GLYATL2: variants seen among roughly 807,000 people sequenced by gnomAD.
The protein encoded by GLYATL2 is glycine-N-acyltransferase like 2.
A neutral mutation model predicts 21.4 loss-of-function variants in GLYATL2; 25 were observed. That is an observed-to-expected ratio of 1.17 (90% CI 0.85 to 1.63). GLYATL2 has a LOEUF of 1.63. Ranked by LOEUF, GLYATL2 falls within the 40% of genes most tolerant of loss-of-function variation. The pLI is 0.00. For missense variants in GLYATL2, 361 were observed against 343.3 expected (o/e 1.05, Z -0.41); for synonymous variants, 114 against 118.2 (o/e 0.96, Z 0.23).
intron 5 of GLYATL2, among the ~76,000 whole-genome samples, chr11:58,836,223 A>C (rs1441855573): frequency 6.6e-6 from 1 of 151,490 alleles, no homozygotes; most frequent in East Asian, 1.9e-4. Flanking sequence ...TGTTCTATCC[A>C]CCTTATTTTT....
chr11:58,888,064 A>T (rs1854474312), intron 1 of GLYATL2, among the ~76,000 whole-genome samples: 1 of 152,072 alleles, frequency 6.6e-6, no homozygotes, highest in African/African-American at 2.4e-5. Context: ...TTTAATTTGC[A>T]TTTCCCTATT....
intron 1 of GLYATL2, chr11:58,885,531 C>T: frequency 2.1e-6 from 1 of 470,700 alleles, no homozygotes; most frequent in Non-Finnish European, 4.3e-6. Flanking sequence ...ATTATCCAAC[C>T]ACCAAAACAG....
intron 1 of GLYATL2, among the ~76,000 whole-genome samples, chr11:58,896,113 C>G (rs941514214): frequency 1.3e-5 from 2 of 152,104 alleles, no homozygotes; most frequent in Non-Finnish European, 2.9e-5. Context: ...CCGCGGCCTC[C>G]GAAAGTGCGA....
chr11:58,869,720 T>G (rs1854084001), intron 1 of GLYATL2, among the ~76,000 whole-genome samples: 1 of 152,254 alleles, frequency 6.6e-6, no homozygotes, highest in African/African-American at 2.4e-5. Flanking sequence ...ATTTTTCATG[T>G]TCATGTTACT....
chr11:58,848,711 A>T (rs1853687055), upstream of GLYATL2, among the ~76,000 whole-genome samples: 1 of 152,212 alleles, frequency 6.6e-6, no homozygotes, highest in Non-Finnish European at 1.5e-5. Context: ...GGTTATAGAA[A>T]ATAGCCTTGA....
chr11:58,842,689 G>T (rs1853575555), intron 1 of GLYATL2, among the ~76,000 whole-genome samples: 1 of 152,106 alleles, frequency 6.6e-6, no homozygotes, highest in African/African-American at 2.4e-5. Context: ...AAAAATTCAT[G>T]AAGTCTATGA....
At chr11:58,837,490 A>G in intron 3 of GLYATL2, 93 bp from the exon 4 acceptor site, 1 of 1,244,346 alleles carries the variant, frequency 8.0e-7, no homozygotes. Context: ...CAATTGTTTG[A>G]AATATTCTGT....
intron 1 of GLYATL2, among the ~76,000 whole-genome samples, chr11:58,842,296 A>T (rs895842913): frequency 6.6e-6 from 1 of 152,222 alleles, no homozygotes; most frequent in Non-Finnish European, 1.5e-5. Context: ...ATGCAGGTGT[A>T]TGTATGTACG....
At chr11:58,906,755 A>G (rs1854897808), upstream of GLYATL2, among the ~76,000 whole-genome samples, 1 of 152,210 alleles carries the variant, frequency 6.6e-6, no homozygotes, top group South Asian at 2.1e-4. Flanking sequence ...TTGTTTCTGT[A>G]AGCAAGCACA....
At chr11:58,909,048 C>T (rs1322915912), upstream of GLYATL2, among the ~76,000 whole-genome samples, 1 of 152,142 alleles carries the variant, frequency 6.6e-6, no homozygotes, top group Non-Finnish European at 1.5e-5. Flanking sequence ...TTGACCCACA[C>T]TATTTTGTTC....
At position 58,864,966 on chromosome 11, in the gene GLYATL2, A is replaced by G. The variant is rs888925992; in HGVS notation, n.61-26598T>C. On this transcript the variant is annotated intron_variant and non_coding_transcript_variant, in intron 1 of 4. Transcript: ENST00000533636. ...AAGTGATCTTATCAAACACACACAT[A>G]TATACACACAATAATAACAATAAAT... Among the ~76,000 whole-genome samples the G allele has an allele frequency of 9.4e-5, 14 of 149,026 alleles. 2 individuals carry two copies. Among genetic ancestry groups the G allele is most frequent in the South Asian group, 4.3e-4 (2 of 4,674 alleles).
chr11:58,909,625 A>G, the GLYATL2 span, among the ~76,000 whole-genome samples: 1 of 152,214 alleles, frequency 6.6e-6, no homozygotes, highest in Non-Finnish European at 1.5e-5. Context: ...AAAGTCATGT[A>G]CACGTGAAAA....
chr11:58,842,381 T>C (rs1230824519), intron 1 of GLYATL2, among the ~76,000 whole-genome samples: 2 of 152,102 alleles, frequency 1.3e-5, no homozygotes, highest in African/African-American at 4.8e-5. Flanking sequence ...AAAACATCAA[T>C]TCCTGGCTGG....
chr11:58,857,388 C>A (rs1472077162), intron 1 of GLYATL2, among the ~76,000 whole-genome samples: 1 of 152,234 alleles, frequency 6.6e-6, no homozygotes, highest in East Asian at 1.9e-4. Flanking sequence ...CTGTACACCA[C>A]AGAGAGCTTC....
At chr11:58,907,248 G>T (rs1184797665), upstream of GLYATL2, 1 of 456,116 alleles carries the variant, frequency 2.2e-6, no homozygotes, top group East Asian at 6.9e-5. Flanking sequence ...CAGGTCACCC[G>T]CCAGGTTTGT....
intron 1 of GLYATL2, among the ~76,000 whole-genome samples, chr11:58,867,085 A>G (rs1037735352): frequency 6.7e-6 from 1 of 149,024 alleles, no homozygotes; most frequent in Non-Finnish European, 1.5e-5. Flanking sequence ...ACACTCAGCC[A>G]TGCGGTTCCC....
chr11:58,834,722 C>T lies in GLYATL2; in HGVS notation c.592G>A (p.Asp198Asn). ...SLKYIERCLQ[D>N]FLGFGVLGPE... ...CCCAGCACACCAAATCCTAGAAAAT[C>T]CTGGAGGCAGCGTTCAATATATTTC... is the stretch of plus-strand genomic sequence containing the variant. Residue 198 changes from aspartate (D) to asparagine (N), a missense_variant, in exon 6 of 6, where the codon GAT (aspartate) becomes AAT (asparagine). Physicochemically the swap from Asp to Asn is conservative, Grantham distance 23. Transcript: ENST00000287275. 6.2e-7 allele frequency: 1 copy of T among 1,613,816 alleles called. No individual in the cohort carries two copies. Among genetic ancestry groups the T allele is most frequent in the Non-Finnish European group, 8.5e-7 (1 of 1,179,986 alleles).
intron 1 of GLYATL2, among the ~76,000 whole-genome samples, chr11:58,856,529 G>A (rs973245825): frequency 2.6e-5 from 4 of 152,016 alleles, no homozygotes; most frequent in Non-Finnish European, 5.9e-5. Flanking sequence ...ATCATTTTTC[G>A]CTTTTTGTTT....
At chr11:58,885,214 A>G (rs1370078448) in intron 1 of GLYATL2, among the ~76,000 whole-genome samples, 1 of 152,238 alleles carries the variant, frequency 6.6e-6, no homozygotes. Flanking sequence ...GCTAGTGCAC[A>G]GTAGCTCTTT....
Sources: gnomAD v4.1 joint callset for allele counts (sites outside exome capture counted in the v4.1 genomes callset) on GRCh38, gnomAD v4.1.1 for gene constraint, MANE v1.5 for transcripts, NCBI Gene and HGNC (gene_info 2026-07-23, HGNC 2026-07-21) for gene names.